The following ABLIM1 variants were observed in gnomAD, a reference collection of about 807,000 sequenced individuals.
ABLIM1 encodes the protein actin binding LIM protein 1, also known as actin-binding LIM protein 1.
A neutral mutation model predicts 107.0 loss-of-function variants in ABLIM1; 40 were observed. The ratio of observed to expected loss-of-function variants is 0.37; its 90% CI spans 0.29 to 0.49. The LOEUF (loss-of-function observed/expected upper bound fraction) is 0.49. Ranked by LOEUF, ABLIM1 falls within the 20% of genes least tolerant of loss-of-function variation. ABLIM1 has a pLI of 0.97. For synonymous variants in ABLIM1, 357 were observed against 357.3 expected (o/e 1.00, Z 0.01); for missense variants, 857 against 1,008.5 (o/e 0.85, Z 2.04).
At chr10:114,644,244 G>A (rs1350594699) in intron 1 of ABLIM1, among the ~76,000 whole-genome samples, 1 of 110,380 alleles carries the variant, frequency 9.1e-6, no homozygotes, top group Non-Finnish European at 1.7e-5. Flanking sequence ...TCACACCACA[G>A]CACTCCAGCC....
chr10:114,506,501 TCTC>T (rs1383231441), intron 6 of ABLIM1, among the ~76,000 whole-genome samples: 2 of 152,184 alleles, frequency 1.3e-5, no homozygotes, highest in Non-Finnish European at 2.9e-5. Context: ...CGTTCCCTTT[TCTC>T]CTCAACTTCA....
In ABLIM1 at chr10:114,432,830, T is replaced by C. The variant is rs1183242117; in HGVS notation, c.*3430A>G. ...CAACAACTCATTAACTCTATCTCTT[T>C]GAGGTTTTGGAGAACAGGAAGTTTA... On this transcript the variant is annotated 3_prime_UTR_variant, in exon 23 of 23. Coordinates refer to ENST00000533213, the MANE Select transcript of ABLIM1 (RefSeq NM_002313.7). 2.0e-5 allele frequency: 3 copies of C among 152,184 alleles called. No homozygotes were observed. The highest frequency in any genetic ancestry group is 7.2e-5 in the African/African-American group (3 of 41,444). 9.4% of individuals were successfully genotyped at this position (152,184 alleles called of 1,614,324 possible).
Position 114,451,660 on chromosome 10 carries a change from T to C in ABLIM1, c.1558A>G (p.Asn520Asp). 1 of 1,613,050 alleles carries C rather than the reference T, an allele frequency of 6.2e-7. No homozygotes were observed. The highest frequency in any genetic ancestry group is 8.5e-7 in the Non-Finnish European group (1 of 1,179,472). The change falls in exon 14 of 23, where the codon AAC becomes GAC. Residue 520 changes from asparagine (N) to aspartate (D), a missense_variant. Around this residue, in one of 5 missense-constraint regions of ABLIM1, gnomAD observed 381 missense variants for 506.9 expected, o/e 0.75. Transcript: ENST00000533213. Reference sequence around the variant, plus strand: ...TAGATGGGTGGCTTTCGGTAAATGTTGATTCCTTGATCTGTGGAAATGAAA... The same window carrying C: ...TAGATGGGTGGCTTTCGGTAAATGTCGATTCCTTGATCTGTGGAAATGAAA... ...KHFHVPDQGI[N>D]IYRKPPIYKQ...
chr10:114,502,108 A>G, intron 6 of ABLIM1: 1 of 167,574 alleles, frequency 6.0e-6, no homozygotes, highest in Non-Finnish European at 1.3e-5. Context: ...CAAATTCAAC[A>G]ACAGCAATGT....
the ABLIM1 span, among the ~76,000 whole-genome samples, chr10:114,784,690 GAA>G: frequency 0.038 from 4,506 of 118,168 alleles, 179 homozygotes; most frequent in African/African-American, 0.11. Context: ...AAAAGAAAAA[GAA>G]AAAAAAAAAA....
Position 114,437,796 on chromosome 10 carries a change from G to GT in ABLIM1, c.2223+47dup, listed in dbSNP as rs766123208. 8 of 1,481,664 alleles carry GT rather than the reference G, an allele frequency of 5.4e-6. No homozygotes were observed. In the African/African-American group the frequency reaches 9.7e-5, roughly 18 times the overall value. The allele number at this position is 1,481,664 out of a possible 1,614,324, so 91.8% of individuals were successfully genotyped here. ...CATTGCTTAGGGGAGAGTTGGGGGA[G>GT]TGCATAGGGATCTGCAGTTGGGACT... On this transcript the variant is annotated intron_variant, in intron 22 of 22. Transcript: ENST00000533213.
intron 1 of ABLIM1, among the ~76,000 whole-genome samples, chr10:114,729,439 T>C (rs1458583453): frequency 1.3e-5 from 2 of 152,106 alleles, no homozygotes; most frequent in African/African-American, 4.8e-5. Flanking sequence ...TAATTATCTC[T>C]AGTATAAAAA....
intron 1 of ABLIM1, among the ~76,000 whole-genome samples, chr10:114,748,353 C>G (rs1250381220): frequency 6.6e-6 from 1 of 152,078 alleles, no homozygotes; most frequent in Non-Finnish European, 1.5e-5. Flanking sequence ...GCAATCTATA[C>G]AAAAGTGACC....
intron 1 of ABLIM1, among the ~76,000 whole-genome samples, chr10:114,716,987 G>A (rs2081683311): frequency 6.6e-6 from 1 of 152,034 alleles, no homozygotes; most frequent in South Asian, 2.1e-4. Context: ...CCAAATTTCT[G>A]CTCAGATCAC....
At chr10:114,468,802 A>G (rs1001923784) in intron 10 of ABLIM1, among the ~76,000 whole-genome samples, 1 of 151,838 alleles carries the variant, frequency 6.6e-6, no homozygotes, top group Non-Finnish European at 1.5e-5. Flanking sequence ...CTGTAATCCC[A>G]GCACTTTGGG....
In ABLIM1 at chr10:114,441,792, T is replaced by G; in HGVS notation, c.1934-6A>C. The G allele has an allele frequency of 3.1e-6, 5 of 1,613,094 alleles. No homozygotes were observed. The highest frequency in any genetic ancestry group is 4.2e-6 in the Non-Finnish European group (5 of 1,179,234). On this transcript the variant is annotated splice_polypyrimidine_tract_variant and splice_region_variant and intron_variant, in intron 17 of 22. Coordinates refer to ENST00000533213, the MANE Select transcript of ABLIM1 (RefSeq NM_002313.7). ...AGATGATGGAATATGTGAAGCTGAG[T>G]AAGAAAAAAGTAAAAAACCAATTGT...
intron 1 of ABLIM1, among the ~76,000 whole-genome samples, chr10:114,621,807 C>A (rs377515031): frequency 6.6e-6 from 1 of 152,172 alleles, no homozygotes; most frequent in African/African-American, 2.4e-5. Context: ...GATAAGAGAC[C>A]TCAAGAAAAT....
chr10:114,777,085 G>A, the ABLIM1 span, among the ~76,000 whole-genome samples: 4 of 151,976 alleles, frequency 2.6e-5, no homozygotes, highest in East Asian at 1.9e-4. Context: ...TAGACTGCTT[G>A]TCTATGCCCC....
chr10:114,709,494 A>G (rs1437733107), intron 1 of ABLIM1, among the ~76,000 whole-genome samples: 1 of 152,250 alleles, frequency 6.6e-6, no homozygotes, highest in East Asian at 1.9e-4. Flanking sequence ...AATGGCCACT[A>G]TGTGAAATGG....
At chr10:114,682,858 C>T (rs997884198) in intron 1 of ABLIM1, among the ~76,000 whole-genome samples, 2 of 152,162 alleles carry the variant, frequency 1.3e-5, no homozygotes, top group African/African-American at 2.4e-5. Context: ...AGTCTCTCTG[C>T]GTGTAAGATT....
chr10:114,436,611 C>T (rs2059434597), intron 22 of ABLIM1, among the ~76,000 whole-genome samples: 1 of 152,138 alleles, frequency 6.6e-6, no homozygotes, highest in Non-Finnish European at 1.5e-5. Flanking sequence ...ATAATAATAA[C>T]ACTGACTGGT....
intron 1 of ABLIM1, among the ~76,000 whole-genome samples, chr10:114,738,938 G>A (rs1431171079): frequency 1.3e-5 from 2 of 152,170 alleles, no homozygotes; most frequent in African/African-American, 2.4e-5. Flanking sequence ...ATGCTAAAAT[G>A]TCTTAGTAAT....
rs2060846295 is a variant in ABLIM1 at position 114,445,292 on chromosome 10, A to C, written c.1827+20T>G. 2 of 1,604,852 alleles carry C rather than the reference A, an allele frequency of 1.2e-6. No homozygotes were observed. Among genetic ancestry groups the C allele is most frequent in the Non-Finnish European group, 1.7e-6 (2 of 1,171,676 alleles). Reference sequence around the variant, plus strand: ...TGTAACTAGCATTGAAGACAGCAGCAAGGTAGTTTAAGGACAAACCTTCAT... The same window carrying C: ...TGTAACTAGCATTGAAGACAGCAGCCAGGTAGTTTAAGGACAAACCTTCAT... On this transcript the variant is annotated intron_variant, in intron 16 of 22. Transcript: ENST00000533213.
intron 6 of ABLIM1, among the ~76,000 whole-genome samples, chr10:114,493,362 C>A (rs1161822199): frequency 6.6e-6 from 1 of 152,196 alleles, no homozygotes; most frequent in East Asian, 1.9e-4. Flanking sequence ...GTGTCGTCTG[C>A]AGTGAAAAGC....
Sources: gnomAD v4.1 joint callset for allele counts (sites outside exome capture counted in the v4.1 genomes callset) on GRCh38, gnomAD v4.1.1 for gene constraint, gnomAD v4.1.1 regional missense constraint, MANE v1.5 for transcripts, NCBI Gene and HGNC (gene_info 2026-07-23, HGNC 2026-07-21) for gene names.